Variants in LINGO2 observed in about 807,000 individuals in gnomAD.
LINGO2 encodes leucine-rich repeat and immunoglobulin-like domain-containing nogo receptor-interacting protein 2.
A neutral mutation model predicts 30.6 loss-of-function variants in LINGO2; 14 were observed. The observed-to-expected ratio is 0.46, with a 90% CI of 0.30 to 0.72. The LOEUF (loss-of-function observed/expected upper bound fraction) is 0.72. LINGO2 is among the 30% of genes least tolerant of loss of function. The pLI, the probability that LINGO2 is intolerant of heterozygous loss-of-function variation, is 0.07. For missense variants in LINGO2, 729 were observed against 751.7 expected (o/e 0.97, Z 0.35); for synonymous variants, 317 against 288.5 (o/e 1.10, Z -1.00).
chr9:28,474,173 C>A (rs893569623), intron 2 of LINGO2, among the ~76,000 whole-genome samples: 1 of 152,234 alleles, frequency 6.6e-6, no homozygotes, highest in South Asian at 2.1e-4. Context: ...TTACTTTGCA[C>A]CAAAAGTGCT....
chr9:29,121,879 C>T, the LINGO2 span, among the ~76,000 whole-genome samples: 1 of 151,956 alleles, frequency 6.6e-6, no homozygotes, highest in South Asian at 2.1e-4. Context: ...AAGAGAGTAT[C>T]CCAAATTGTC....
chr9:28,277,837 C>CAAAAAAAAAAAACAAAAAAAAAA (rs1823176251), intron 4 of LINGO2, among the ~76,000 whole-genome samples: 3 of 107,902 alleles, frequency 2.8e-5, no homozygotes, highest in Non-Finnish European at 5.9e-5. Flanking sequence ...CAAAACAAAA[C>CAAAAAAAAAAAACAAAAAAAAAA]AAAAAAAAAA....
chr9:28,523,276 A>G (rs1269259188), intron 1 of LINGO2, among the ~76,000 whole-genome samples: 1 of 152,166 alleles, frequency 6.6e-6, no homozygotes, highest in East Asian at 1.9e-4. Context: ...TGCTTTCATG[A>G]TAGAAATAGC....
At chr9:29,142,187 T>A in the LINGO2 span, among the ~76,000 whole-genome samples, 4 of 151,730 alleles carry the variant, frequency 2.6e-5, no homozygotes, top group East Asian at 7.7e-4. Context: ...TTCAGAAAGA[T>A]TGAAATCATA....
At chr9:28,374,401 A>G (rs1038340051) in intron 2 of LINGO2, among the ~76,000 whole-genome samples, 1 of 151,976 alleles carries the variant, frequency 6.6e-6, no homozygotes, top group Non-Finnish European at 1.5e-5. Context: ...ATTTTTAAAA[A>G]TGTAACAACA....
intron 3 of LINGO2, among the ~76,000 whole-genome samples, chr9:28,347,986 T>C (rs2134422948): frequency 6.6e-6 from 1 of 152,362 alleles, no homozygotes; most frequent in South Asian, 2.1e-4. Flanking sequence ...AGAATGTCAC[T>C]TATTTTCAAC....
intron 3 of LINGO2, among the ~76,000 whole-genome samples, chr9:28,316,318 T>TA (rs11306031): frequency 3.3e-5 from 5 of 151,874 alleles, no homozygotes; most frequent in African/African-American, 9.7e-5. Flanking sequence ...CTTATCAAAA[T>TA]AAAAAAACGG....
intron 4 of LINGO2, among the ~76,000 whole-genome samples, chr9:28,144,351 G>A (rs1287378077): frequency 6.6e-6 from 1 of 152,014 alleles, no homozygotes; most frequent in African/African-American, 2.4e-5. Flanking sequence ...TAGGATTCTT[G>A]TTAAAAATAC....
intron 4 of LINGO2, among the ~76,000 whole-genome samples, chr9:28,206,989 GTGGGCA>G (rs1820430524): frequency 2.0e-5 from 3 of 152,042 alleles, no homozygotes; most frequent in African/African-American, 4.8e-5. Flanking sequence ...TATACCTTTT[GTGGGCA>G]TAGATAAATA....
At chr9:28,620,117 G>A (rs1287368987) in intron 1 of LINGO2, among the ~76,000 whole-genome samples, 1 of 151,280 alleles carries the variant, frequency 6.6e-6, no homozygotes, top group African/African-American at 2.4e-5. Flanking sequence ...TCTTTCCACA[G>A]AGAAAGTTTG....
chr9:28,476,301 A>T (rs1825723801), intron 1 of LINGO2, among the ~76,000 whole-genome samples: 1 of 152,166 alleles, frequency 6.6e-6, no homozygotes, highest in Non-Finnish European at 1.5e-5. Context: ...TTTGAGACGG[A>T]GTCTCGCTCT....
intron 5 of LINGO2, among the ~76,000 whole-genome samples, chr9:27,999,713 A>T (rs538840476): frequency 1.3e-5 from 2 of 152,182 alleles, no homozygotes; most frequent in African/African-American, 4.8e-5. Flanking sequence ...TCTAAGTCCA[A>T]TGAAAGACTG....
At chr9:28,885,521 T>A in the LINGO2 span, among the ~76,000 whole-genome samples, 1 of 151,144 alleles carries the variant, frequency 6.6e-6, no homozygotes, top group Non-Finnish European at 1.5e-5. Flanking sequence ...TGTGTACATA[T>A]GACAACATAT....
chr9:28,211,544 T>A (rs962963687), intron 4 of LINGO2, among the ~76,000 whole-genome samples: 1 of 151,454 alleles, frequency 6.6e-6, no homozygotes, highest in African/African-American at 2.4e-5. Context: ...GCTGCTAATT[T>A]GATTACTCTA....
the LINGO2 span, among the ~76,000 whole-genome samples, chr9:28,789,280 A>G: frequency 6.6e-6 from 1 of 152,216 alleles, no homozygotes; most frequent in African/African-American, 2.4e-5. Context: ...GGAATAGTTC[A>G]TAATTTTGTT....
intron 4 of LINGO2, among the ~76,000 whole-genome samples, chr9:28,171,416 G>A (rs1363958255): frequency 6.6e-6 from 1 of 152,134 alleles, no homozygotes; most frequent in Non-Finnish European, 1.5e-5. Context: ...GGGTAGGGCT[G>A]TACCTGAAAG....
intron 4 of LINGO2, among the ~76,000 whole-genome samples, chr9:28,017,740 T>G (rs1822910913): frequency 6.6e-6 from 1 of 152,158 alleles, no homozygotes; most frequent in Admixed American, 6.5e-5. Flanking sequence ...CATTCCATGC[T>G]CATGGATAGG....
At chr9:28,021,996 AT>A (rs1823150676) in intron 4 of LINGO2, among the ~76,000 whole-genome samples, 1 of 152,080 alleles carries the variant, frequency 6.6e-6, no homozygotes, top group Admixed American at 6.6e-5. Context: ...CTGGATTAAT[AT>A]CTACCATATT....
chr9:28,472,831 T>C (rs1564222439), intron 2 of LINGO2, among the ~76,000 whole-genome samples: 1 of 152,144 alleles, frequency 6.6e-6, no homozygotes, highest in Non-Finnish European at 1.5e-5. Context: ...TCTGATTCTG[T>C]TATTTGTTGC....
Sources: allele counts gnomAD v4.1 joint callset (sites outside exome capture counted in the v4.1 genomes callset), GRCh38; gene constraint gnomAD v4.1.1; transcripts MANE v1.5; gene names NCBI Gene and HGNC (gene_info 2026-07-23, HGNC 2026-07-21).